WDR17: variants seen among roughly 807,000 people sequenced by gnomAD.
WDR17 encodes WD repeat-containing protein 17.
In WDR17, 143 loss-of-function variants were observed where a neutral mutation model predicts 161.7. The observed-to-expected ratio is 0.88, with a 90% CI of 0.77 to 1.02. The LOEUF is 1.02. Among genes scored for constraint, WDR17 ranks in the 50% least tolerant of loss-of-function variants. The probability of loss-of-function intolerance (pLI) is 0.00; values close to 1 mark genes in which losing one functional copy is unlikely to be tolerated. For missense variants in WDR17, 1,469 were observed against 1,520.9 expected, an observed-to-expected ratio of 0.97 and a Z score of 0.57; for synonymous variants, 517 against 515.6, an observed-to-expected ratio of 1.00 and a Z score of -0.04.
intron 1 of WDR17, among the ~76,000 whole-genome samples, chr4:176,107,544 C>T (rs968000877): frequency 2.6e-5 from 4 of 151,264 alleles, no homozygotes; most frequent in African/African-American, 7.3e-5. Flanking sequence ...CGACAAATCA[C>T]AGACACGTGG....
intron 1 of WDR17, chr4:176,111,261 T>C (rs1463937259): frequency 5.7e-6 from 1 of 174,668 alleles, no homozygotes; most frequent in African/African-American, 2.4e-5. Context: ...ATACTATTAA[T>C]ATAGCATGTG....
chr4:176,173,245 C>T (rs766640867), intron 24 of WDR17, 22 bp from the exon 25 acceptor site: 1 of 1,491,386 alleles, frequency 6.7e-7, no homozygotes, highest in Admixed American at 1.9e-5. Flanking sequence ...AATGAATCTT[C>T]CATCTGGTTT....
chr4:176,111,618 G>A lies in WDR17; in HGVS notation c.38G>A (p.Gly13Glu), dbSNP rs145774360. The change falls in exon 2 of 29, where the codon GGA (glycine) becomes GAA (glutamate). Residue 13 changes from glycine (G) to glutamate (E), a missense_variant. Physicochemically the swap from Gly to Glu is moderately conservative, Grantham distance 98. Coordinates refer to ENST00000508596, the MANE Select transcript of WDR17 (RefSeq NM_181265.4). ...AGGCAAGTGGGATTGCTGGCTGCTG[G>A]ATGTCAGCCATGGAACAAGGATGTA... ...QVRQVGLLAA[G>E]CQPWNKDVCA... 7.5e-6 allele frequency: 12 copies of A among 1,610,528 alleles called. No individual in the cohort carries two copies. In the African/African-American group the frequency reaches 1.3e-4, roughly 18 times the overall value.
intron 1 of WDR17, among the ~76,000 whole-genome samples, chr4:176,100,676 A>C (rs1393425740): frequency 6.6e-6 from 1 of 151,914 alleles, no homozygotes; most frequent in Admixed American, 6.6e-5. Context: ...TGTCCATAAG[A>C]GTTTCCCCTA....
Position 176,135,003 on chromosome 4 carries a change from T to G in WDR17, c.1099-105T>G, listed in dbSNP as rs989040776. ...TGCCTATATATTTTTGCATTAATAT[T>G]TGGAAAACCGTATACATGTGTCAAT... On this transcript the variant is annotated intron_variant, in intron 7 of 28. Coordinates refer to ENST00000508596, the MANE Select transcript of WDR17 (RefSeq NM_181265.4). The G allele has an allele frequency of 2.6e-6, 3 of 1,157,710 alleles. No homozygotes were observed. The African/African-American group carries it at 4.7e-5, about 18-fold the overall frequency. 71.7% of individuals were successfully genotyped at this position (1,157,710 alleles called of 1,614,324 possible).
Position 176,065,962 on chromosome 4 carries a change from G to A in WDR17, c.-124G>A, listed in dbSNP as rs1004069951. The A allele has an allele frequency of 1.3e-5, 2 of 152,076 alleles. No homozygotes were observed. The highest frequency in any genetic ancestry group is 2.9e-5 in the Non-Finnish European group (2 of 68,030). 9.4% of individuals were successfully genotyped at this position (152,076 alleles called of 1,614,324 possible). On this transcript the variant is annotated 5_prime_UTR_variant, in exon 1 of 29. Coordinates refer to ENST00000508596, the MANE Select transcript of WDR17 (RefSeq NM_181265.4). ...CGGCCGCCCCGCCCCCGGGCGCCCT[G>A]AGCGAGCAGGCGGGGAGGGCGGGGA...
intron 6 of WDR17, among the ~76,000 whole-genome samples, chr4:176,129,717 T>G (rs559475107): frequency 3.9e-5 from 6 of 152,164 alleles, no homozygotes; most frequent in Non-Finnish European, 8.8e-5. Context: ...TGGTAGGCAA[T>G]GGCAAGTAGT....
chr4:176,131,474 A>T, intron 6 of WDR17, 80 bp from the exon 7 acceptor site: 1 of 1,199,296 alleles, frequency 8.3e-7, no homozygotes. Context: ...CAGATTCTGG[A>T]TTTTTTTTTT....
chr4:176,118,360 G>C (rs1009866423), intron 3 of WDR17, among the ~76,000 whole-genome samples: 1 of 152,142 alleles, frequency 6.6e-6, no homozygotes, highest in Non-Finnish European at 1.5e-5. Flanking sequence ...GATCCATACA[G>C]AGTACCTCAT....
chr4:176,067,899 A>G (rs1732727001), intron 1 of WDR17, among the ~76,000 whole-genome samples: 1 of 152,192 alleles, frequency 6.6e-6, no homozygotes, highest in South Asian at 2.1e-4. Context: ...TCCAACATGA[A>G]TGATTAGGTT....
chr4:176,121,819 C>T (rs1056015207), intron 4 of WDR17, among the ~76,000 whole-genome samples: 2 of 152,166 alleles, frequency 1.3e-5, no homozygotes, highest in African/African-American at 2.4e-5. Flanking sequence ...TGTTTTCCCT[C>T]TCTTAGGTTT....
At position 176,089,693 on chromosome 4, in the gene WDR17, T is replaced by C. The variant is rs28366944; in HGVS notation, c.-6-21882T>C. Among the ~76,000 whole-genome samples, 1,318 of 152,276 alleles carry C rather than the reference T, an allele frequency of 8.7e-3. 28 individuals are homozygous for C. Among genetic ancestry groups the C allele is most frequent in the African/African-American group, 0.029 (1,220 of 41,542 alleles). On this transcript the variant is annotated intron_variant, in intron 1 of 28. Coordinates refer to ENST00000508596, the MANE Select transcript of WDR17 (RefSeq NM_181265.4). ...GAGTGTTGAGTGAGAGAGCTTTTTT[T>C]GCATTTCCTCAAACAGTGGCAGATC...
At chr4:176,170,950 C>T (rs895562225) in intron 23 of WDR17, among the ~76,000 whole-genome samples, 5 of 152,168 alleles carry the variant, frequency 3.3e-5, no homozygotes, top group African/African-American at 1.2e-4. Flanking sequence ...CATAGCTTAA[C>T]CTAGCCTTCC....
intron 26 of WDR17, 38 bp downstream of exon 26, chr4:176,174,756 A>T: frequency 7.3e-7 from 1 of 1,372,172 alleles, no homozygotes. Flanking sequence ...ACATTAGAGC[A>T]ATTTCTCTTG....
intron 7 of WDR17, among the ~76,000 whole-genome samples, chr4:176,133,273 AAGAAG>A (rs1194891979): frequency 0.03 from 3,734 of 122,556 alleles, 221 homozygotes; most frequent in African/African-American, 0.097. Flanking sequence ...AAAAAAAAAA[AAGAAG>A]AAGAAGAAGA....
At chr4:176,151,789 T>A in intron 16 of WDR17, 23 bp from the exon 17 acceptor site, 1 of 1,542,714 alleles carries the variant, frequency 6.5e-7, no homozygotes, top group Non-Finnish European at 8.7e-7. Context: ...TTTTTTTAAA[T>A]TCTATTTTCT....
At chr4:176,106,147 A>G (rs372888992) in intron 1 of WDR17, among the ~76,000 whole-genome samples, 27 of 152,212 alleles carry the variant, frequency 1.8e-4, no homozygotes, top group Admixed American at 1.0e-3. Context: ...GACCCTGAAT[A>G]ACAAAACTGG....
intron 18 of WDR17, among the ~76,000 whole-genome samples, chr4:176,157,568 C>T (rs1012487077): frequency 1.4e-5 from 2 of 145,732 alleles, no homozygotes; most frequent in African/African-American, 4.9e-5. Flanking sequence ...TTATTGCTCT[C>T]ACCGAATCCT....
intron 1 of WDR17, among the ~76,000 whole-genome samples, chr4:176,081,821 T>C (rs1056023962): frequency 6.6e-6 from 1 of 152,178 alleles, no homozygotes; most frequent in African/African-American, 2.4e-5. Flanking sequence ...CCTAGGCCTC[T>C]AATTGTCCAG....
Sources: allele counts gnomAD v4.1 joint callset (sites outside exome capture counted in the v4.1 genomes callset), GRCh38; gene constraint gnomAD v4.1.1; transcripts MANE v1.5; gene names NCBI Gene and HGNC (gene_info 2026-07-23, HGNC 2026-07-21).